Variants in FOCAD observed in about 807,000 individuals in gnomAD.
FOCAD encodes focadhesin.
In FOCAD, 198 loss-of-function variants were observed where a neutral mutation model predicts 225.6. That is an observed-to-expected ratio of 0.88 (90% CI 0.78 to 0.99). The LOEUF is 0.99. Among genes scored for constraint, FOCAD ranks in the 50% least tolerant of loss-of-function variants. The pLI is 0.00. For synonymous variants in FOCAD, 897 were observed against 755.0 expected, an observed-to-expected ratio of 1.19 and a Z score of -3.08; for missense variants, 2,713 against 2,123.6, an observed-to-expected ratio of 1.28 and a Z score of -5.46.
At chr9:20,977,053 G>T (rs567072261) in intron 36 of FOCAD, among the ~76,000 whole-genome samples, 6 of 152,160 alleles carry the variant, frequency 3.9e-5, no homozygotes, top group Admixed American at 1.3e-4. Flanking sequence ...AGAGGTTCTA[G>T]GGAGGAATTC....
chr9:20,706,189 C>G (rs1824375199), intron 1 of FOCAD, among the ~76,000 whole-genome samples: 1 of 152,000 alleles, frequency 6.6e-6, no homozygotes, highest in South Asian at 2.1e-4. Context: ...CTTGTCTTGA[C>G]CTCCCAAAGT....
chr9:20,954,668 T>TA (rs1564199594), intron 35 of FOCAD, among the ~76,000 whole-genome samples: 1 of 152,354 alleles, frequency 6.6e-6, no homozygotes, highest in East Asian at 1.9e-4. Context: ...TCAGTGTTGT[T>TA]ATGTGCAGTC....
At chr9:20,840,902 C>T (rs1413729727) in intron 15 of FOCAD, among the ~76,000 whole-genome samples, 1 of 151,726 alleles carries the variant, frequency 6.6e-6, no homozygotes, top group East Asian at 1.9e-4. Flanking sequence ...TCCTTCTATA[C>T]CCAGTTTTTT....
chr9:20,722,402 A>G (rs986498923), intron 4 of FOCAD, among the ~76,000 whole-genome samples: 5 of 152,176 alleles, frequency 3.3e-5, no homozygotes, highest in African/African-American at 1.2e-4. Flanking sequence ...TCTGTCTGAC[A>G]TCATCTTTGT....
rs779310672 is a variant in FOCAD, at chr9:20,944,549, G to T, written c.3408-78G>T. The stretch of plus-strand genomic sequence containing the variant: ...CATCTCACCAAGGTTTGAGAGCTCT[G>T]TAAACACCCGTGGTAAGTGAAGAGC... On this transcript the variant is annotated intron_variant, in intron 28 of 43. Coordinates refer to ENST00000338382, the MANE Select transcript of FOCAD (RefSeq NM_001375567.1). 1.2e-5 allele frequency: 18 copies of T among 1,515,392 alleles called. No homozygotes were observed. In the Admixed American group the frequency reaches 1.3e-4, roughly 11 times the overall value. The allele number at this position is 1,515,392 out of a possible 1,614,324, so 93.9% of individuals were successfully genotyped here. A position where few individuals can be genotyped will look rare whatever the true frequency, so the allele number is the denominator to read the frequency against.
Position 20,781,873 on chromosome 9 carries a change from G to C in FOCAD, c.1141G>C (p.Ala381Pro). The change falls in exon 10 of 44, where the codon GCT becomes CCT. Residue 381 changes from alanine to proline, a missense_variant. Physicochemically the swap from Ala to Pro is conservative, Grantham distance 27 (BLOSUM62 -1). Coordinates refer to ENST00000338382, the MANE Select transcript of FOCAD (RefSeq NM_001375567.1). ...AGAAGGTCCCTCTAGGCAGCAGTTG[G>C]CTCTAAACCTTTTGGAAATGATACA... ...DEEGPSRQQL[A>P]LNLLEMIQQE... 12 of 1,614,044 alleles carry C rather than the reference G, an allele frequency of 7.4e-6. No individual in the cohort carries two copies. The highest frequency in any genetic ancestry group is 1.0e-5 in the Non-Finnish European group (12 of 1,179,970).
chr9:20,665,183 GAAGTTTTATT>G (rs1821862537), intron 2 of FOCAD, among the ~76,000 whole-genome samples: 1 of 152,152 alleles, frequency 6.6e-6, no homozygotes, highest in South Asian at 2.1e-4. Flanking sequence ...AACCTTGCTT[GAAGTTTTATT>G]AAGACTGAGT....
At position 20,820,849 on chromosome 9, in the gene FOCAD, G is replaced by T; in HGVS notation, c.1663-92G>T. 6 of 1,380,264 alleles carry T rather than the reference G, an allele frequency of 4.3e-6. No homozygotes were observed. The South Asian group carries it at 7.8e-5, about 18-fold the overall frequency. The allele number at this position is 1,380,264 out of a possible 1,614,324, so 85.5% of individuals were successfully genotyped here. ...CAGTATAATTTGCAATGCAAATGGAGGATTTGGAGGTGAAAATGCTGAGTA... is the reference window on the plus strand; with the variant it reads ...CAGTATAATTTGCAATGCAAATGGATGATTTGGAGGTGAAAATGCTGAGTA... On this transcript the variant is annotated intron_variant, in intron 13 of 43. Coordinates refer to ENST00000338382, the MANE Select transcript of FOCAD (RefSeq NM_001375567.1).
At chr9:20,855,263 C>G (rs998602701) in intron 15 of FOCAD, among the ~76,000 whole-genome samples, 1 of 151,344 alleles carries the variant, frequency 6.6e-6, no homozygotes, top group Non-Finnish European at 1.5e-5. Context: ...TATTCCTTTT[C>G]CTTATTTTTC....
At chr9:20,750,715 A>G (rs1288806224) in intron 5 of FOCAD, among the ~76,000 whole-genome samples, 7 of 152,188 alleles carry the variant, frequency 4.6e-5, no homozygotes, top group Non-Finnish European at 8.8e-5. Flanking sequence ...CTCTTCCTGG[A>G]CATAACACTT....
chr9:20,953,019 T>C lies in FOCAD; in HGVS notation c.4086T>C (p.Ser1362=). 6.2e-7 allele frequency: 1 copy of C among 1,613,634 alleles called. No individual in the cohort carries two copies. Among genetic ancestry groups the C allele is most frequent in the Admixed American group, 1.7e-5 (1 of 59,942 alleles). The change falls in exon 35 of 44, where the codon AGT becomes AGC. Residue 1362 remains serine (S), a synonymous_variant. Transcript: ENST00000338382. The stretch of plus-strand genomic sequence containing the variant: ...ACTATAGCTACTTGCCTGAAAGCAG[T>C]TTTATTGGAGCAGCTATTGGCTTCT... ...PTDYSYLPES[S]FIGAAIGFFI...
At chr9:20,969,301 GATT>G (rs1323815804) in intron 35 of FOCAD, among the ~76,000 whole-genome samples, 1 of 151,948 alleles carries the variant, frequency 6.6e-6, no homozygotes, top group Admixed American at 6.6e-5. Flanking sequence ...TTACACTGTT[GATT>G]AATAAGGATC....
chr9:20,822,467 G>A (rs940346088), intron 14 of FOCAD, among the ~76,000 whole-genome samples: 1 of 152,004 alleles, frequency 6.6e-6, no homozygotes, highest in Non-Finnish European at 1.5e-5. Context: ...AATGAATTTA[G>A]CACAGTGCCT....
intron 35 of FOCAD, among the ~76,000 whole-genome samples, chr9:20,972,211 A>G (rs1237796959): frequency 6.6e-6 from 1 of 152,160 alleles, no homozygotes; most frequent in Non-Finnish European, 1.5e-5. Context: ...ACTGTTTTAT[A>G]TAGTGGTCAC....
At position 20,876,677 on chromosome 9, in the gene FOCAD, C is replaced by T. The variant is rs183625931; in HGVS notation, c.2317+1870C>T. 3.2e-3 allele frequency among the ~76,000 whole-genome samples: 484 copies of T among 152,080 alleles called. 3 individuals carry two copies. The highest frequency in any genetic ancestry group is 0.011 in the African/African-American group (455 of 41,498). On this transcript the variant is annotated intron_variant, in intron 19 of 43. Coordinates refer to ENST00000338382, the MANE Select transcript of FOCAD (RefSeq NM_001375567.1). ...CAAACTGTCACCATGGACATTTTTT[C>T]GTTGATTATTAGAGAAGTATAAAAA... is the stretch of plus-strand genomic sequence containing the variant.
rs1326989411 is a variant in FOCAD at position 20,804,801 on chromosome 9, C to T, written c.1456-14995C>T. On this transcript the variant is annotated intron_variant, in intron 11 of 43. Transcript: ENST00000338382. Reference sequence around the variant, plus strand: ...ATTTTAGCGGTAAATGACACCCTTCCGGGAAATCCTTCTGAAGATTCATTC... The same window carrying T: ...ATTTTAGCGGTAAATGACACCCTTCTGGGAAATCCTTCTGAAGATTCATTC... Among the ~76,000 whole-genome samples the T allele has an allele frequency of 3.4e-5, 5 of 146,326 alleles. No homozygotes were observed. In the East Asian group the frequency reaches 1.0e-3, roughly 29 times the overall value.
chr9:20,874,578 T>A, intron 18 of FOCAD, 103 bp from the exon 19 acceptor site: 1 of 1,230,194 alleles, frequency 8.1e-7, no homozygotes, highest in South Asian at 1.5e-5. Context: ...AGTGATGGAG[T>A]CTAACAAAAT....
At position 20,929,350 on chromosome 9, in the gene FOCAD, T is replaced by A. The variant is rs1835249755; in HGVS notation, c.3079-8T>A. The A allele has an allele frequency of 6.8e-6, 11 of 1,611,196 alleles. No homozygotes were observed. The highest frequency in any genetic ancestry group is 4.2e-6 in the Non-Finnish European group (5 of 1,177,738). On this transcript the variant is annotated splice_region_variant and splice_polypyrimidine_tract_variant and intron_variant, in intron 26 of 43. Coordinates refer to ENST00000338382, the MANE Select transcript of FOCAD (RefSeq NM_001375567.1). ...CTAACCCTGTTTTCTTTCTTTGGCA[T>A]GTCCTAGAAGTCCTATTCTGGTGAA... is the stretch of plus-strand genomic sequence containing the variant.
At chr9:20,725,736 C>G (rs1826145797) in intron 4 of FOCAD, among the ~76,000 whole-genome samples, 1 of 152,198 alleles carries the variant, frequency 6.6e-6, no homozygotes, top group Non-Finnish European at 1.5e-5. Flanking sequence ...TATAGTCTAA[C>G]TTTGAAAAAG....
Sources: gnomAD v4.1 joint callset for allele counts (sites outside exome capture counted in the v4.1 genomes callset) on GRCh38, gnomAD v4.1.1 for gene constraint, MANE v1.5 for transcripts, NCBI Gene and HGNC (gene_info 2026-07-23, HGNC 2026-07-21) for gene names.